The following ELSPBP1 variants were observed in gnomAD, a reference collection of about 807,000 sequenced individuals.
The protein encoded by ELSPBP1 is epididymal sperm-binding protein 1.
A neutral mutation model predicts 33.3 loss-of-function variants in ELSPBP1; 38 were observed. The observed-to-expected ratio is 1.14, with a 90% CI of 0.88 to 1.50. The LOEUF (loss-of-function observed/expected upper bound fraction) is 1.50, where lower values mean the gene tolerates loss of function less well. Among genes scored for constraint, ELSPBP1 ranks in the 40% most tolerant of loss-of-function variants. The pLI is 0.00. For synonymous variants in ELSPBP1, 85 were observed against 94.1 expected (o/e 0.90, Z 0.56); for missense variants, 267 against 263.5 (o/e 1.01, Z -0.09).
chr19:48,022,887 C>CAAAAA (rs10695720), intron 6 of ELSPBP1, among the ~76,000 whole-genome samples: 1 of 140,648 alleles, frequency 7.1e-6, no homozygotes, highest in Non-Finnish European at 1.5e-5. Context: ...CCTGTCTCTA[C>CAAAAA]AAAAAAAAAA....
intron 1 of ELSPBP1, among the ~76,000 whole-genome samples, chr19:47,998,322 G>T (rs1001005554): frequency 6.6e-6 from 1 of 151,984 alleles, no homozygotes; most frequent in African/African-American, 2.4e-5. Context: ...TGAGGCAGGA[G>T]AATCGCTTGA....
Position 48,008,757 on chromosome 19 carries a change from C to T in ELSPBP1, c.70+20C>T, listed in dbSNP as rs1443016949. 5.0e-6 allele frequency: 8 copies of T among 1,603,722 alleles called. No individual in the cohort carries two copies. Among genetic ancestry groups the T allele is most frequent in the African/African-American group, 2.7e-5 (2 of 74,596 alleles). On this transcript the variant is annotated intron_variant, in intron 2 of 6. Transcript: ENST00000339841. ...GTGGAGGTAAGGACACTCAAAGCAACAGGGAGGATTTAGAAGCTGGAGAAG... is the reference window on the plus strand; with the variant it reads ...GTGGAGGTAAGGACACTCAAAGCAATAGGGAGGATTTAGAAGCTGGAGAAG...
At chr19:48,021,136 G>A (rs1375786121) in intron 5 of ELSPBP1, among the ~76,000 whole-genome samples, 1 of 152,168 alleles carries the variant, frequency 6.6e-6, no homozygotes, top group Non-Finnish European at 1.5e-5. Flanking sequence ...AGGTGCAAAT[G>A]TGCCTACTCG....
rs59245932 is a variant in ELSPBP1, at chr19:48,014,367, G to A, written c.208+59G>A. 7.8e-4 allele frequency: 1,232 copies of A among 1,574,824 alleles called. 15 individuals carry two copies. In the African/African-American group the frequency reaches 0.014, roughly 18 times the overall value. ...TTTGAATAGGGTGGATCACAAAAGA[G>A]AATGTGTGACTGTCTATGACATGAT... is the stretch of plus-strand genomic sequence containing the variant. On this transcript the variant is annotated intron_variant, in intron 3 of 6. Coordinates refer to ENST00000339841, the MANE Select transcript of ELSPBP1 (RefSeq NM_022142.5).
At chr19:48,015,309 G>A (rs1008419167) in intron 3 of ELSPBP1, among the ~76,000 whole-genome samples, 3 of 152,112 alleles carry the variant, frequency 2.0e-5, no homozygotes, top group Non-Finnish European at 4.4e-5. Flanking sequence ...CAATGGAGGA[G>A]GTGGAAGGGG....
At position 48,008,661 on chromosome 19, in the gene ELSPBP1, A is replaced by T. The variant is rs915559894; in HGVS notation, c.-7A>T. The T allele has an allele frequency of 6.2e-7, 1 of 1,613,640 alleles. No homozygotes were observed. Among genetic ancestry groups the T allele is most frequent in the African/African-American group, 1.3e-5 (1 of 74,884 alleles). On this transcript the variant is annotated 5_prime_UTR_variant, in exon 2 of 7. Coordinates refer to ENST00000339841, the MANE Select transcript of ELSPBP1 (RefSeq NM_022142.5). ...TCTTCTTTTCCACAGAGAAGAGGGC[A>T]GCCAAGATGACCCGATGGTCCAGTT...
chr19:48,024,553 A>G (rs531286225), intron 6 of ELSPBP1, among the ~76,000 whole-genome samples: 5 of 152,244 alleles, frequency 3.3e-5, no homozygotes, highest in South Asian at 4.2e-4. Context: ...AATGAAAATC[A>G]TCTTCCTGGA....
At chr19:47,998,513 G>A (rs1187697484) in intron 1 of ELSPBP1, among the ~76,000 whole-genome samples, 1 of 152,158 alleles carries the variant, frequency 6.6e-6, no homozygotes, top group Non-Finnish European at 1.5e-5. Flanking sequence ...AGTCCGGGGC[G>A]CGGTGGCTCA....
intron 5 of ELSPBP1, among the ~76,000 whole-genome samples, 183 bp downstream of exon 5, chr19:48,020,060 T>C (rs78727793): frequency 0.038 from 5,770 of 152,238 alleles, 173 homozygotes; most frequent in African/African-American, 0.077. Flanking sequence ...GCCACAGGCT[T>C]TAAAATCCAA....
At chr19:48,018,042 T>C (rs1277236862) in intron 4 of ELSPBP1, among the ~76,000 whole-genome samples, 1 of 152,026 alleles carries the variant, frequency 6.6e-6, no homozygotes, top group Non-Finnish European at 1.5e-5. Context: ...CAAATTTGCA[T>C]AAATCACCAA....
rs558664658 is a variant in ELSPBP1, at chr19:48,011,529, A to G, written c.71-2642A>G. 9.9e-5 allele frequency among the ~76,000 whole-genome samples: 15 copies of G among 152,068 alleles called. No individual in the cohort carries two copies. The South Asian group carries it at 3.1e-3, about 32-fold the overall frequency. Reference sequence around the variant, plus strand: ...GATGATGACAATGATGATGACAATGACTGATAATGATGACAATGATGATGA... The same window carrying G: ...GATGATGACAATGATGATGACAATGGCTGATAATGATGACAATGATGATGA... On this transcript the variant is annotated intron_variant, in intron 2 of 6. Transcript: ENST00000339841. The surrounding 1 kb of genome is among the most constrained non-coding windows in gnomAD (Gnocchi z 4.5).
At chr19:48,010,938 T>C (rs12982110) in intron 2 of ELSPBP1, among the ~76,000 whole-genome samples, 25,444 of 152,122 alleles carry the variant, frequency 0.17, 2,198 homozygotes, top group South Asian at 0.23. Flanking sequence ...ATCTGCCCTC[T>C]CCCTCAACAC....
intron 2 of ELSPBP1, among the ~76,000 whole-genome samples, chr19:48,012,311 G>T (rs2086667767): frequency 6.6e-6 from 1 of 151,224 alleles, no homozygotes; most frequent in African/African-American, 2.4e-5. Context: ...TTGTTTTTTT[G>T]TAGAGATGGG....
intron 1 of ELSPBP1, among the ~76,000 whole-genome samples, chr19:47,999,968 G>A (rs1966950778): frequency 6.6e-6 from 1 of 151,736 alleles, no homozygotes; most frequent in African/African-American, 2.4e-5. Flanking sequence ...GACTACAGGT[G>A]TGCACCATCT....
chr19:48,003,480 C>G (rs866020683), intron 1 of ELSPBP1, among the ~76,000 whole-genome samples: 1 of 150,560 alleles, frequency 6.6e-6, no homozygotes, highest in African/African-American at 2.4e-5. Flanking sequence ...ACAGTATGGA[C>G]TAGGGATTGT....
At chr19:48,008,815 T>C in intron 2 of ELSPBP1, 78 bp downstream of exon 2, 1 of 1,324,016 alleles carries the variant, frequency 7.6e-7, no homozygotes. Flanking sequence ...TTCCTGGAAC[T>C]AAGTAGGCAG....
intron 2 of ELSPBP1, among the ~76,000 whole-genome samples, chr19:48,013,534 T>C (rs1291019890): frequency 1.3e-5 from 2 of 152,002 alleles, no homozygotes; most frequent in Admixed American, 1.3e-4. Context: ...CTGGCCAACA[T>C]GGCAAAACCC....
intron 6 of ELSPBP1, among the ~76,000 whole-genome samples, chr19:48,024,501 A>C (rs772268389): frequency 2.0e-4 from 30 of 152,160 alleles, no homozygotes; most frequent in Non-Finnish European, 3.2e-4. Flanking sequence ...TGGCTTATGG[A>C]TGACACTAAA....
rs111908807 is a variant in ELSPBP1 at position 48,018,840 on chromosome 19, C to G, written c.356-879C>G. Among the ~76,000 whole-genome samples the G allele has an allele frequency of 2.0e-4, 31 of 152,214 alleles. 2 individuals are homozygous for G. The highest frequency in any genetic ancestry group is 5.2e-4 in the Admixed American group (8 of 15,288). On this transcript the variant is annotated intron_variant, in intron 4 of 6. Transcript: ENST00000339841. ...ATTAGGCAAGACTGAGTTTATTGCT[C>G]ACTTCCTTGACAGCATCTTAATAAC... is the stretch of plus-strand genomic sequence containing the variant.
Sources: allele counts gnomAD v4.1 joint callset (sites outside exome capture counted in the v4.1 genomes callset), GRCh38; gene constraint gnomAD v4.1.1; non-coding constraint Gnocchi (gnomAD v3.1); transcripts MANE v1.5; gene names NCBI Gene and HGNC (gene_info 2026-07-23, HGNC 2026-07-21).